TCERG1L: variants seen among roughly 807,000 people sequenced by gnomAD.
TCERG1L encodes transcription elongation regulator 1 like.
In TCERG1L, 37 loss-of-function variants were observed where a neutral mutation model predicts 56.3. The ratio of observed to expected loss-of-function variants is 0.66; its 90% CI spans 0.51 to 0.87. The LOEUF (loss-of-function observed/expected upper bound fraction) is 0.87. TCERG1L is among the 40% of genes least tolerant of loss of function. The pLI is 0.00. For missense variants in TCERG1L, 799 were observed against 774.2 expected, an observed-to-expected ratio of 1.03 and a Z score of -0.38; for synonymous variants, 324 against 326.3, an observed-to-expected ratio of 0.99 and a Z score of 0.08.
intron 4 of TCERG1L, among the ~76,000 whole-genome samples, chr10:131,171,642 C>T (rs2133441295): frequency 6.6e-6 from 1 of 152,308 alleles, no homozygotes; most frequent in East Asian, 1.9e-4. Flanking sequence ...GGGTTCACTG[C>T]AACCTTCAAG....
At chr10:131,224,422 T>C (rs1020419730) in intron 4 of TCERG1L, among the ~76,000 whole-genome samples, 4 of 152,186 alleles carry the variant, frequency 2.6e-5, no homozygotes, top group African/African-American at 9.6e-5. Context: ...GATTCAGATT[T>C]ACCCACTAAA....
chr10:131,149,894 G>C (rs1204448793), intron 6 of TCERG1L, among the ~76,000 whole-genome samples: 2 of 152,214 alleles, frequency 1.3e-5, no homozygotes, highest in Non-Finnish European at 2.9e-5. Flanking sequence ...AGGAAGCCCA[G>C]ATCCGGCCCC....
At chr10:131,289,534 G>GGTGT (rs9299881) in intron 3 of TCERG1L, among the ~76,000 whole-genome samples, 13 of 14,984 alleles carry the variant, frequency 8.7e-4, no homozygotes, top group African/African-American at 1.3e-3. Context: ...ATCTCCTATC[G>GGTGT]GTGTGTATGT....
At chr10:131,162,806 CAG>C (rs1359751572) in intron 6 of TCERG1L, 1 of 231,652 alleles carries the variant, frequency 4.3e-6, no homozygotes, top group African/African-American at 2.2e-5. Flanking sequence ...GGAGGGAAAA[CAG>C]ATCTTTTGAA....
intron 4 of TCERG1L, among the ~76,000 whole-genome samples, chr10:131,238,770 C>T (rs748249525): frequency 1.1e-4 from 17 of 152,178 alleles, no homozygotes; most frequent in African/African-American, 9.7e-5. Flanking sequence ...GCCCATCACG[C>T]GGGCAGAGCT....
intron 3 of TCERG1L, among the ~76,000 whole-genome samples, chr10:131,299,541 A>AAAGATAAAGTATATCTTCG (rs1846737339): frequency 6.6e-6 from 1 of 152,048 alleles, no homozygotes; most frequent in African/African-American, 2.4e-5. Context: ...GTATATCTTC[A>AAAGATAAAGTATATCTTCG]TCTTAGAGGG....
At chr10:131,106,190 T>C (rs1362971798) in intron 9 of TCERG1L, among the ~76,000 whole-genome samples, 1 of 152,238 alleles carries the variant, frequency 6.6e-6, no homozygotes, top group Non-Finnish European at 1.5e-5. Context: ...ACATGGACTA[T>C]GTATTCACTG....
chr10:131,219,066 C>T (rs1358331737), intron 4 of TCERG1L, among the ~76,000 whole-genome samples: 1 of 152,210 alleles, frequency 6.6e-6, no homozygotes, highest in African/African-American at 2.4e-5. Context: ...GCTGGCATGG[C>T]TCTGCCAGCA....
At chr10:131,227,507 C>T (rs11595988) in intron 4 of TCERG1L, among the ~76,000 whole-genome samples, 1 of 152,214 alleles carries the variant, frequency 6.6e-6, no homozygotes, top group African/African-American at 2.4e-5. Context: ...AACCACACAC[C>T]TAATATAGAC....
chr10:131,253,985 A>G (rs1246227006), intron 4 of TCERG1L, among the ~76,000 whole-genome samples: 1 of 93,796 alleles, frequency 1.1e-5, no homozygotes, highest in Non-Finnish European at 2.6e-5. Context: ...AGTGAGGAGA[A>G]GGAGTTCGTT....
At chr10:131,305,759 C>T (rs938580736) in intron 3 of TCERG1L, among the ~76,000 whole-genome samples, 2 of 151,586 alleles carry the variant, frequency 1.3e-5, no homozygotes, top group African/African-American at 2.4e-5. Flanking sequence ...TGAAGGGGAT[C>T]GATAAAATAT....
At chr10:131,264,191 G>A (rs1201359044) in intron 3 of TCERG1L, among the ~76,000 whole-genome samples, 6 of 150,918 alleles carry the variant, frequency 4.0e-5, no homozygotes, top group South Asian at 2.1e-4. Flanking sequence ...CCTTCCTGCC[G>A]GGGATGCTCT....
At chr10:131,113,626 A>T (rs1023427354) in intron 9 of TCERG1L, among the ~76,000 whole-genome samples, 1 of 141,902 alleles carries the variant, frequency 7.0e-6, no homozygotes, top group African/African-American at 2.5e-5. Flanking sequence ...TCCATTGCAG[A>T]CGTGGTACCA....
intron 3 of TCERG1L, among the ~76,000 whole-genome samples, chr10:131,279,886 G>A (rs538996331): frequency 2.2e-4 from 34 of 152,164 alleles, no homozygotes; most frequent in African/African-American, 8.2e-4. Context: ...CTACTCTCTC[G>A]GGGGCACACC....
chr10:131,225,590 G>C (rs1386735022), intron 4 of TCERG1L, among the ~76,000 whole-genome samples: 1 of 152,112 alleles, frequency 6.6e-6, no homozygotes, highest in Non-Finnish European at 1.5e-5. Flanking sequence ...TAATGCTGAA[G>C]GAAAACCCCA....
chr10:131,293,000 G>A (rs1250076818), intron 3 of TCERG1L, among the ~76,000 whole-genome samples: 1 of 151,884 alleles, frequency 6.6e-6, no homozygotes, highest in Non-Finnish European at 1.5e-5. Context: ...ACAGGTACAC[G>A]CCACCGCACC....
At chr10:131,308,678 T>C (rs1014643226) in intron 2 of TCERG1L, among the ~76,000 whole-genome samples, 1 of 152,232 alleles carries the variant, frequency 6.6e-6, no homozygotes, top group Non-Finnish European at 1.5e-5. Flanking sequence ...AGATAATGAC[T>C]AAGCTGTATG....
chr10:131,148,495 TACAC>T (rs771427379), intron 6 of TCERG1L, among the ~76,000 whole-genome samples: 1 of 143,940 alleles, frequency 6.9e-6, no homozygotes, highest in African/African-American at 2.6e-5. Flanking sequence ...CACACATATA[TACAC>T]ACACAAAGGG....
intron 4 of TCERG1L, among the ~76,000 whole-genome samples, chr10:131,208,646 G>A (rs566726356): frequency 2.6e-5 from 4 of 152,332 alleles, no homozygotes; most frequent in South Asian, 4.1e-4. Context: ...TAGGTTGAGC[G>A]CTTCTAACCT....
Sources: allele counts gnomAD v4.1 joint callset (sites outside exome capture counted in the v4.1 genomes callset), GRCh38; gene constraint gnomAD v4.1.1; transcripts MANE v1.5; gene names NCBI Gene and HGNC (gene_info 2026-07-23, HGNC 2026-07-21).